The following MTMR11 variants were observed in gnomAD, a reference collection of about 807,000 sequenced individuals.
The protein encoded by MTMR11 is myotubularin related protein 11.
In MTMR11, 89 loss-of-function variants were observed where a neutral mutation model predicts 100.0. That is an observed-to-expected ratio of 0.89 (90% confidence interval 0.75 to 1.06). The LOEUF (loss-of-function observed/expected upper bound fraction) is 1.06. Among genes scored for constraint, MTMR11 ranks in the 50% least tolerant of loss-of-function variants. The probability of loss-of-function intolerance (pLI) is 0.00; values close to 1 mark genes in which losing one functional copy is unlikely to be tolerated. For missense variants in MTMR11, 809 were observed against 873.7 expected, an observed-to-expected ratio of 0.93 and a Z score of 0.93; for synonymous variants, 336 against 326.3, an observed-to-expected ratio of 1.03 and a Z score of -0.32.
Position 149,933,431 on chromosome 1 carries a change from C to G in MTMR11, c.960G>C (p.Leu320=), listed in dbSNP as rs955932830. 3.1e-6 allele frequency: 5 copies of G among 1,614,138 alleles called. No homozygotes were observed. The highest frequency in any genetic ancestry group is 4.2e-6 in the Non-Finnish European group (5 of 1,180,010). The change falls in exon 10 of 17, where the codon CTG becomes CTC. Residue 320 remains leucine (L), a synonymous_variant. Transcript: ENST00000439741. ...PSLADVQLAH[L]RLRALCLPDS... The stretch of plus-strand genomic sequence containing the variant: ...CAGGCAGGCAGAGGGCCCTCAGCCT[C>G]AGGTGGGCAAGTTGGACATCTGCAA...
intron 14 of MTMR11, 47 bp downstream of exon 14, chr1:149,930,745 C>T (rs1213559687): frequency 2.0e-6 from 3 of 1,507,850 alleles, no homozygotes; most frequent in South Asian, 1.3e-5. Context: ...TCAGAGAGTA[C>T]ATCTCAATGG....
chr1:149,934,386 T>G, intron 6 of MTMR11, 60 bp from the exon 7 acceptor site: 1 of 1,613,616 alleles, frequency 6.2e-7, no homozygotes, highest in Non-Finnish European at 8.5e-7. Flanking sequence ...TTCTCAGCTC[T>G]TTGTCATCAG....
intron 12 of MTMR11, 88 bp downstream of exon 12, chr1:149,931,856 C>T: frequency 8.3e-7 from 1 of 1,206,956 alleles, no homozygotes; most frequent in Non-Finnish European, 1.2e-6. Context: ...AGGAAGAAGC[C>T]TTATGGGTCT....
intron 8 of MTMR11, 28 bp downstream of exon 8, chr1:149,933,827 C>T (rs1445343388): frequency 1.9e-6 from 3 of 1,611,494 alleles, no homozygotes; most frequent in African/African-American, 1.3e-5. Flanking sequence ...CTCTAATCCA[C>T]AGCCATTACC....
chr1:149,935,092 C>T lies in MTMR11; in HGVS notation c.362G>A (p.Gly121Glu), dbSNP rs782547156. 12 of 1,614,100 alleles carry T rather than the reference C, an allele frequency of 7.4e-6. No homozygotes were observed. The highest frequency in any genetic ancestry group is 2.2e-5 in the South Asian group (2 of 91,078). Residue 121 changes from glycine to glutamate, a missense_variant, in exon 5 of 17, where the codon GGG becomes GAG. Physicochemically the swap from Gly to Glu is moderately conservative, Grantham distance 98. Transcript: ENST00000439741. ...GLSRVQLLRP[G>E]SLHKFIPEEI... ...CTCAGGGATAAATTTATGCAGGGAC[C>T]CTGGACGGAGGAGCTGGACTCGGGA...
intron 16 of MTMR11, 113 bp from the exon 17 acceptor site, chr1:149,929,430 A>G: frequency 1.6e-6 from 2 of 1,231,564 alleles, no homozygotes; most frequent in Non-Finnish European, 2.3e-6. Context: ...TATGCCCTAA[A>G]TTCCACTTAA....
chr1:149,930,368 T>C lies in MTMR11; in HGVS notation c.1644A>G (p.Pro548=). ...TTAGGAAGTTTAGACACTTCACCTG[T>C]GGTCTAGGGAGCCAGGAATCTGGAC... ...EHCPDSWLPR[P]QPSFMVPGPP... Residue 548 remains proline (P), a synonymous_variant, in exon 15 of 17, where the codon CCA becomes CCG. Transcript: ENST00000439741. The C allele has an allele frequency of 6.2e-7, 1 of 1,612,486 alleles. No individual in the cohort carries two copies. Among genetic ancestry groups the C allele is most frequent in the Non-Finnish European group, 8.5e-7 (1 of 1,178,894 alleles).
intron 11 of MTMR11, 122 bp downstream of exon 11, chr1:149,932,142 A>G: frequency 1.4e-6 from 2 of 1,388,094 alleles, no homozygotes; most frequent in Non-Finnish European, 1.0e-6. Flanking sequence ...AAGAGCAGAA[A>G]ATGGCAGTCT....
At chr1:149,934,738 GA>G (rs775423460) in intron 5 of MTMR11, among the ~76,000 whole-genome samples, 3 of 152,198 alleles carry the variant, frequency 2.0e-5, no homozygotes, top group Non-Finnish European at 2.9e-5. Context: ...ATTCTGGGAG[GA>G]ATCCTGGTTT....
rs1199979546 is a variant in MTMR11, at chr1:149,928,913, G to A, written c.*216C>T. The A allele has an allele frequency of 6.2e-7, 1 of 1,614,000 alleles. No homozygotes were observed. The highest frequency in any genetic ancestry group is 8.5e-7 in the Non-Finnish European group (1 of 1,179,974). ...GGGATGGGATTGGCCTAAAAAAACCGATCAATTTCTGGATTGTTTTTGTTT... is the reference window on the plus strand; with the variant it reads ...GGGATGGGATTGGCCTAAAAAAACCAATCAATTTCTGGATTGTTTTTGTTT... On this transcript the variant is annotated 3_prime_UTR_variant, in exon 17 of 17. Transcript: ENST00000439741.
chr1:149,930,344 T>G (rs1290070721), intron 15 of MTMR11, 21 bp downstream of exon 15: 1 of 1,598,282 alleles, frequency 6.3e-7, no homozygotes. Context: ...CAAGGGAATT[T>G]AGGAAGTTTA....
chr1:149,933,993 G>A (rs1553768348), intron 7 of MTMR11, 51 bp from the exon 8 acceptor site: 2 of 1,569,022 alleles, frequency 1.3e-6, no homozygotes, highest in Non-Finnish European at 8.8e-7. Flanking sequence ...TCATTATAAT[G>A]GAAAGCTCTT....
At chr1:149,931,169 G>A (rs1160294982) in intron 13 of MTMR11, 91 bp downstream of exon 13, 21 of 1,550,758 alleles carry the variant, frequency 1.4e-5, no homozygotes, top group African/African-American at 5.5e-5. Context: ...CCTTCTGACC[G>A]GATTCACCTC....
Position 149,933,705 on chromosome 1 carries a change from A to G in MTMR11, c.772-7T>C, listed in dbSNP as rs377609774. On this transcript the variant is annotated splice_polypyrimidine_tract_variant and splice_region_variant and intron_variant, in intron 8 of 16. Coordinates refer to ENST00000439741, the MANE Select transcript of MTMR11 (RefSeq NM_001145862.2). ...GGTGATGCCAGGACAAGCGCTTCAC[A>G]TGGGGCAGAAGAGGGTCATTGTGGG... 9.3e-6 allele frequency: 15 copies of G among 1,614,098 alleles called. No homozygotes were observed. In the African/African-American group the frequency reaches 1.9e-4, roughly 20 times the overall value.
At chr1:149,934,360 GA>G in intron 6 of MTMR11, 34 bp from the exon 7 acceptor site, 3 of 1,613,882 alleles carry the variant, frequency 1.9e-6, no homozygotes, top group Non-Finnish European at 2.5e-6. Flanking sequence ...GGAGGAAGGA[GA>G]AAATCAGAGA....
Position 149,933,477 on chromosome 1 carries a change from G to C in MTMR11, c.914C>G (p.Thr305Ser). The C allele has an allele frequency of 6.2e-7, 1 of 1,614,166 alleles. No individual in the cohort carries two copies. ...TGCAAGGCTGGGCAGCTCATCCATA[G>C]TGTCTACCAGGACAACATCTGAATG... ...AGHSDVVLVD[T>S]MDELPSLADV... is the part of the protein sequence containing the mutation. The change falls in exon 10 of 17, where the codon ACT (threonine) becomes AGT (serine). Residue 305 changes from threonine (T) to serine (S), a missense_variant. Thr to Ser is a moderately conservative substitution (Grantham distance 58). Coordinates refer to ENST00000439741, the MANE Select transcript of MTMR11 (RefSeq NM_001145862.2).
chr1:149,934,115 A>G, intron 7 of MTMR11, 76 bp downstream of exon 7: 1 of 1,598,700 alleles, frequency 6.3e-7, no homozygotes, highest in Non-Finnish European at 8.6e-7. Context: ...GTTTGTGGGA[A>G]GTCCTAGCTT....
At chr1:149,933,573 A>C (rs782298101) in intron 9 of MTMR11, 37 bp downstream of exon 9, 1 of 1,614,080 alleles carries the variant, frequency 6.2e-7, no homozygotes, top group Non-Finnish European at 8.5e-7. Flanking sequence ...TACCCTGAGC[A>C]CCTAACCCTT....
chr1:149,936,348 T>C, intron 1 of MTMR11, 119 bp from the exon 2 acceptor site: 1 of 1,510,362 alleles, frequency 6.6e-7, no homozygotes, highest in Non-Finnish European at 8.8e-7. Context: ...GATCAGTGTC[T>C]GTGGGGAGCT....
Sources: allele counts gnomAD v4.1 joint callset (sites outside exome capture counted in the v4.1 genomes callset), GRCh38; gene constraint gnomAD v4.1.1; transcripts MANE v1.5; gene names NCBI Gene and HGNC (gene_info 2026-07-23, HGNC 2026-07-21).